Variants in RANBP2 observed in about 807,000 individuals in gnomAD.
RANBP2 encodes the protein RAN binding protein 2, also known as E3 SUMO-protein ligase RanBP2.
Under a neutral mutation model 303.6 loss-of-function variants are expected in RANBP2, and 57 were observed. The ratio of observed to expected loss-of-function variants is 0.19; its 90% CI spans 0.15 to 0.23. The LOEUF (loss-of-function observed/expected upper bound fraction) is 0.23, where lower values mean the gene tolerates loss of function less well. Ranked by LOEUF, RANBP2 falls within the 10% of genes least tolerant of loss-of-function variation. The pLI, the probability that RANBP2 is intolerant of heterozygous loss-of-function variation, is 1.00. For missense variants in RANBP2, 3,138 were observed against 3,780.8 expected (o/e 0.83, Z 4.46); for synonymous variants, 1,167 against 1,301.5 (o/e 0.90, Z 2.23).
At chr2:109,518,470 C>G in the RANBP2 span, among the ~76,000 whole-genome samples, 10 of 152,300 alleles carry the variant, frequency 6.6e-5, no homozygotes, top group East Asian at 1.9e-3. Context: ...TGTCTGCAGA[C>G]CCCAGAGCCT....
chr2:109,056,513 C>T, the RANBP2 span, among the ~76,000 whole-genome samples: 1 of 152,166 alleles, frequency 6.6e-6, no homozygotes, highest in Non-Finnish European at 1.5e-5. Context: ...ATGGGCAGAA[C>T]TCAAAGCATC....
the RANBP2 span, among the ~76,000 whole-genome samples, chr2:109,250,316 G>T: frequency 6.6e-6 from 1 of 151,992 alleles, no homozygotes; most frequent in Non-Finnish European, 1.5e-5. Flanking sequence ...CAGAGCCAAC[G>T]TGGGGGTTTC....
the RANBP2 span, among the ~76,000 whole-genome samples, chr2:109,477,653 G>A: frequency 6.6e-6 from 1 of 151,788 alleles, no homozygotes; most frequent in African/African-American, 2.4e-5. Context: ...TTGGTGAGGG[G>A]TGTCAGCAAC....
At chr2:108,990,125 G>A in the RANBP2 span, among the ~76,000 whole-genome samples, 2 of 137,622 alleles carry the variant, frequency 1.5e-5, no homozygotes, top group Non-Finnish European at 3.2e-5. Context: ...GTGAAACTCC[G>A]TCCCTACTAA....
the RANBP2 span, among the ~76,000 whole-genome samples, chr2:109,229,822 CTTTCTTT>C: frequency 8.0e-6 from 1 of 124,958 alleles, no homozygotes; most frequent in Non-Finnish European, 1.6e-5. Context: ...TTTTCTTTTT[CTTTCTTT>C]TTTTTTTTTT....
intron 4 of RANBP2, among the ~76,000 whole-genome samples, chr2:108,732,755 C>G (rs1431098979): frequency 2.6e-5 from 4 of 152,298 alleles, no homozygotes; most frequent in Non-Finnish European, 5.9e-5. Flanking sequence ...TTAATCTGTT[C>G]TCCATCTTTA....
the RANBP2 span, chr2:109,616,139 T>G: frequency 1.4e-6 from 2 of 1,415,898 alleles, no homozygotes; most frequent in Non-Finnish European, 9.2e-7. Context: ...TGTAAGGAAG[T>G]GAGACCAGAA....
At chr2:109,700,916 C>T in the RANBP2 span, among the ~76,000 whole-genome samples, 2 of 151,990 alleles carry the variant, frequency 1.3e-5, no homozygotes, top group African/African-American at 2.4e-5. Flanking sequence ...GGGAGGAAAG[C>T]GGGGAGTTTA....
At chr2:109,267,985 G>A in the RANBP2 span, among the ~76,000 whole-genome samples, 2 of 151,960 alleles carry the variant, frequency 1.3e-5, no homozygotes, top group African/African-American at 4.8e-5. Flanking sequence ...GCAGTTGTGC[G>A]GGTGAAACGG....
chr2:109,455,753 A>G, the RANBP2 span, among the ~76,000 whole-genome samples: 2 of 152,196 alleles, frequency 1.3e-5, no homozygotes, highest in African/African-American at 4.8e-5. Context: ...GTCGACAGGC[A>G]GCCGGGGAAG....
the RANBP2 span, among the ~76,000 whole-genome samples, chr2:108,840,507 GT>G: frequency 1.6e-3 from 241 of 152,274 alleles, 6 homozygotes; most frequent in East Asian, 0.042. Flanking sequence ...TTCTTTAATA[GT>G]TACAGGGCTG....
intron 6 of RANBP2, 137 bp downstream of exon 6, chr2:108,736,386 C>T (rs570491044): frequency 6.6e-7 from 1 of 1,513,688 alleles, no homozygotes; most frequent in Middle Eastern, 2.4e-4. Context: ...CAGTGAACAA[C>T]TAGGAGGCAA....
At chr2:109,343,800 A>T in the RANBP2 span, among the ~76,000 whole-genome samples, 4 of 150,644 alleles carry the variant, frequency 2.7e-5, no homozygotes, top group Non-Finnish European at 5.9e-5. Context: ...GCTGGAGTGC[A>T]GTGGTACGAT....
chr2:109,372,778 C>T, the RANBP2 span, among the ~76,000 whole-genome samples: 10 of 152,194 alleles, frequency 6.6e-5, no homozygotes, highest in African/African-American at 2.4e-4. Flanking sequence ...CAGTGCTGGG[C>T]TCCATGTGTC....
chr2:109,427,683 C>T, the RANBP2 span, among the ~76,000 whole-genome samples: 1 of 152,250 alleles, frequency 6.6e-6, no homozygotes, highest in East Asian at 1.9e-4. Context: ...CGTGCCACCC[C>T]AGCTCCTTCC....
chr2:109,744,615 T>C, the RANBP2 span, among the ~76,000 whole-genome samples: 2 of 102,038 alleles, frequency 2.0e-5, 1 homozygote, highest in Admixed American at 1.9e-4. Context: ...GAGATCTGAA[T>C]AGATATCTCA....
the RANBP2 span, among the ~76,000 whole-genome samples, chr2:109,257,336 A>G: frequency 6.6e-6 from 1 of 150,614 alleles, no homozygotes; most frequent in African/African-American, 2.4e-5. Flanking sequence ...AATGAAGGAA[A>G]GAAAGGAATT....
the RANBP2 span, among the ~76,000 whole-genome samples, chr2:108,853,350 A>G: frequency 1.4e-4 from 22 of 152,168 alleles, no homozygotes; most frequent in African/African-American, 4.6e-4. Context: ...GCCCTTAACC[A>G]TATCATGAGC....
the RANBP2 span, among the ~76,000 whole-genome samples, chr2:109,662,830 T>C: frequency 2.6e-5 from 4 of 152,184 alleles, no homozygotes; most frequent in Non-Finnish European, 5.9e-5. Context: ...GTTGTCCTCT[T>C]TTCTATTCCC....
Sources: gnomAD v4.1 joint callset for allele counts (sites outside exome capture counted in the v4.1 genomes callset) on GRCh38, gnomAD v4.1.1 for gene constraint, MANE v1.5 for transcripts, NCBI Gene and HGNC (gene_info 2026-07-23, HGNC 2026-07-21) for gene names.